The following MYO3B variants were observed in gnomAD, a reference collection of about 807,000 sequenced individuals.
The protein encoded by MYO3B is myosin IIIB.
Under a neutral mutation model 174.6 loss-of-function variants are expected in MYO3B, and 156 were observed. That is an observed-to-expected ratio of 0.89 (90% CI 0.78 to 1.02). The LOEUF is 1.02. Among genes scored for constraint, MYO3B ranks in the 50% least tolerant of loss-of-function variants. The pLI is 0.00. For synonymous variants in MYO3B, 563 were observed against 569.1 expected, an observed-to-expected ratio of 0.99 and a Z score of 0.15; for missense variants, 1,632 against 1,639.4, an observed-to-expected ratio of 1.00 and a Z score of 0.08.
intron 10 of MYO3B, 135 bp from the exon 11 acceptor site, chr2:170,382,938 A>C (rs2094346192): frequency 1.6e-6 from 1 of 624,164 alleles, no homozygotes; most frequent in Admixed American, 2.6e-5. Context: ...CATTAGGGTC[A>C]TTGTATGATT....
intron 8 of MYO3B, among the ~76,000 whole-genome samples, chr2:170,354,169 G>T (rs1188063204): frequency 2.0e-5 from 3 of 152,230 alleles, no homozygotes; most frequent in Non-Finnish European, 4.4e-5. Context: ...GCTAGGCATT[G>T]CCTGTTGAAT....
At chr2:170,420,866 C>G (rs1290104371) in intron 22 of MYO3B, among the ~76,000 whole-genome samples, 1 of 152,176 alleles carries the variant, frequency 6.6e-6, no homozygotes, top group Admixed American at 6.5e-5. Flanking sequence ...CGACACCCCT[C>G]ATCACCACAC....
intron 22 of MYO3B, among the ~76,000 whole-genome samples, chr2:170,427,017 CAA>C (rs71399535): frequency 7.2e-6 from 1 of 139,272 alleles, no homozygotes. Context: ...GACTCAGTCT[CAA>C]AAAAAAAAAG....
chr2:170,407,140 G>C (rs1280691590), intron 21 of MYO3B, among the ~76,000 whole-genome samples: 1 of 152,126 alleles, frequency 6.6e-6, no homozygotes, highest in African/African-American at 2.4e-5. Context: ...ATTCTGATGT[G>C]ATTTATCTTT....
At chr2:170,441,766 T>C (rs1331863958) in intron 22 of MYO3B, among the ~76,000 whole-genome samples, 2 of 152,246 alleles carry the variant, frequency 1.3e-5, no homozygotes, top group Non-Finnish European at 2.9e-5. Context: ...TGCTAATGCA[T>C]TATAATTAGC....
At chr2:170,524,029 G>A (rs1300624161) in intron 30 of MYO3B, among the ~76,000 whole-genome samples, 1 of 152,090 alleles carries the variant, frequency 6.6e-6, no homozygotes, top group Non-Finnish European at 1.5e-5. Context: ...AAGATGAAGG[G>A]AAGGCAAAAT....
At chr2:170,368,015 C>T (rs368605520) in intron 8 of MYO3B, among the ~76,000 whole-genome samples, 148 of 152,296 alleles carry the variant, frequency 9.7e-4, no homozygotes, top group African/African-American at 3.2e-3. Flanking sequence ...TACCGAATAT[C>T]TTTTCAGGAC....
rs560666868 is a variant in MYO3B at position 170,422,330 on chromosome 2, G to A, written c.2650+14486G>A. ...CAGTCCCCCTGCCTCAGCCCCCCAA[G>A]TAGTTGAGATCACAGGCATGAGCCA... On this transcript the variant is annotated intron_variant, in intron 22 of 34. Transcript: ENST00000408978. 4.0e-3 allele frequency among the ~76,000 whole-genome samples: 615 copies of A among 152,196 alleles called. 5 individuals are homozygous for A. The highest frequency in any genetic ancestry group is 4.4e-3 in the Non-Finnish European group (302 of 68,020).
At chr2:170,340,718 C>T (rs1036623974) in intron 8 of MYO3B, 9 of 152,160 alleles carry the variant, frequency 5.9e-5, no homozygotes, top group African/African-American at 2.2e-4. Flanking sequence ...TTCTCAGCCT[C>T]TCTGTGTAAC....
chr2:170,266,016 A>G (rs1221677242), intron 7 of MYO3B, among the ~76,000 whole-genome samples: 1 of 152,170 alleles, frequency 6.6e-6, no homozygotes, highest in Non-Finnish European at 1.5e-5. Context: ...CTAGCTGTCA[A>G]GGCAAAAAGG....
chr2:170,257,602 G>T (rs867941387), intron 7 of MYO3B, among the ~76,000 whole-genome samples: 2 of 152,096 alleles, frequency 1.3e-5, no homozygotes, highest in African/African-American at 2.4e-5. Flanking sequence ...TAAGAGGGAA[G>T]TTTATAGTGC....
rs75227074 is a variant in MYO3B at position 170,293,268 on chromosome 2, A to G, written c.750-42117A>G. On this transcript the variant is annotated intron_variant, in intron 7 of 34. Transcript: ENST00000408978. ...ACTGGAACTCTTCCAGTTAAGTTTT[A>G]TACTTTTTCCATAAAAGTTTGGCAC... is the stretch of plus-strand genomic sequence containing the variant. Among the ~76,000 whole-genome samples the G allele has an allele frequency of 4.5e-3, 682 of 152,274 alleles. 8 individuals are homozygous for G. The highest frequency in any genetic ancestry group is 0.038 in the East Asian group (197 of 5,186).
intron 3 of MYO3B, among the ~76,000 whole-genome samples, chr2:170,207,295 G>C (rs1449152386): frequency 1.3e-5 from 2 of 152,150 alleles, no homozygotes; most frequent in Admixed American, 1.3e-4. Flanking sequence ...GCTGGCCAAA[G>C]GGGCCATCAT....
At chr2:170,526,153 C>T (rs76572172) in intron 30 of MYO3B, among the ~76,000 whole-genome samples, 1,848 of 152,252 alleles carry the variant, frequency 0.012, 30 homozygotes, top group East Asian at 0.05. Context: ...GAATTACTTA[C>T]GAGCTATGAG....
At chr2:170,647,111 T>C (rs1698445307) in intron 32 of MYO3B, among the ~76,000 whole-genome samples, 1 of 152,240 alleles carries the variant, frequency 6.6e-6, no homozygotes, top group Admixed American at 6.5e-5. Context: ...TTTTGGAGAA[T>C]GTTTAAAATT....
intron 7 of MYO3B, among the ~76,000 whole-genome samples, chr2:170,261,819 G>A (rs2093347901): frequency 6.6e-6 from 1 of 152,230 alleles, no homozygotes; most frequent in Non-Finnish European, 1.5e-5. Flanking sequence ...GAATGACATA[G>A]ATTAGGCAGG....
chr2:170,317,234 G>A (rs1238877509), intron 7 of MYO3B, among the ~76,000 whole-genome samples: 1 of 152,000 alleles, frequency 6.6e-6, no homozygotes, highest in Non-Finnish European at 1.5e-5. Context: ...CATCTTGGGC[G>A]ATTTGCATTT....
rs543867661 is a variant in MYO3B, at chr2:170,321,716, T to C, written c.750-13669T>C. ...TCAGTGTGTTTCTGATGACTTAATGTTGATGTATTTATTTTTCATCTTAAT... is the reference window on the plus strand; with the variant it reads ...TCAGTGTGTTTCTGATGACTTAATGCTGATGTATTTATTTTTCATCTTAAT... On this transcript the variant is annotated intron_variant, in intron 7 of 34. Transcript: ENST00000408978. Among the ~76,000 whole-genome samples the C allele has an allele frequency of 3.3e-5, 5 of 152,268 alleles. No homozygotes were observed. In the South Asian group the frequency reaches 1.0e-3, roughly 32 times the overall value.
intron 30 of MYO3B, among the ~76,000 whole-genome samples, chr2:170,540,229 C>T (rs144669398): frequency 4.6e-5 from 7 of 151,910 alleles, no homozygotes; most frequent in African/African-American, 7.2e-5. Context: ...GAGTCTGCAG[C>T]GGGAGGATCA....
Sources: gnomAD v4.1 joint callset for allele counts (sites outside exome capture counted in the v4.1 genomes callset) on GRCh38, gnomAD v4.1.1 for gene constraint, MANE v1.5 for transcripts, NCBI Gene and HGNC (gene_info 2026-07-23, HGNC 2026-07-21) for gene names.